GRM8: variants seen among roughly 807,000 people sequenced by gnomAD.
GRM8 encodes metabotropic glutamate receptor 8.
In GRM8, 47 loss-of-function variants were observed where a neutral mutation model predicts 87.2. That is an observed-to-expected ratio of 0.54 (90% CI 0.43 to 0.69). The LOEUF (loss-of-function observed/expected upper bound fraction) is 0.69, where lower values mean the gene tolerates loss of function less well. Among genes scored for constraint, GRM8 ranks in the 30% least tolerant of loss-of-function variants. The probability of loss-of-function intolerance (pLI) is 0.00; values close to 1 mark genes in which losing one functional copy is unlikely to be tolerated. For synonymous variants in GRM8, 396 were observed against 404.5 expected (o/e 0.98, Z 0.25); for missense variants, 1,019 against 1,139.2 (o/e 0.89, Z 1.52).
At chr7:126,523,818 T>A (rs1207200618) in intron 9 of GRM8, among the ~76,000 whole-genome samples, 1 of 152,120 alleles carries the variant, frequency 6.6e-6, no homozygotes, top group African/African-American at 2.4e-5. Flanking sequence ...TTTTTAAAAT[T>A]TATATTACTA....
intron 9 of GRM8, among the ~76,000 whole-genome samples, chr7:126,523,894 T>C (rs965845602): frequency 5.9e-5 from 9 of 152,228 alleles, no homozygotes; most frequent in African/African-American, 2.2e-4. Context: ...TTTGTTTGTA[T>C]AATATTTACA....
At position 126,477,589 on chromosome 7, in the gene GRM8, A is replaced by AAGAAAGAAAGAAAG. The variant is rs1554446025; in HGVS notation, c.2431-31231_2431-31218dup. 1.7e-3 allele frequency among the ~76,000 whole-genome samples: 146 copies of AAGAAAGAAAGAAAG among 86,084 alleles called. 1 individual carries two copies. Among genetic ancestry groups the AAGAAAGAAAGAAAG allele is most frequent in the African/African-American group, 8.3e-3 (145 of 17,502 alleles). The allele number at this position is 86,084 out of a possible 152,430, so 56.5% of individuals were successfully genotyped here. On this transcript the variant is annotated intron_variant, in intron 9 of 10. Transcript: ENST00000339582. ...AAAGAAAGAAAGAAAGAGAGAAAGA[A>AAGAAAGAAAGAAAG]AGAAAGAAAGAAAGAAAGAAAGAAA... is the stretch of plus-strand genomic sequence containing the variant.
chr7:127,163,984 T>C (rs751816768), intron 2 of GRM8, among the ~76,000 whole-genome samples: 5 of 152,144 alleles, frequency 3.3e-5, no homozygotes, highest in Admixed American at 6.6e-5. Context: ...TCATGTTGAA[T>C]TGTAATCCCC....
chr7:127,185,490 T>C (rs1184935459), intron 2 of GRM8, among the ~76,000 whole-genome samples: 12 of 152,050 alleles, frequency 7.9e-5, no homozygotes, highest in Admixed American at 7.9e-4. Flanking sequence ...TAAACTAAAA[T>C]ATAAAATGCA....
intron 7 of GRM8, among the ~76,000 whole-genome samples, chr7:126,692,321 C>T (rs1055227734): frequency 2.6e-5 from 4 of 152,142 alleles, no homozygotes; most frequent in East Asian, 3.8e-4. Context: ...AACTCTGGAA[C>T]AGTAGCAGAT....
intron 7 of GRM8, among the ~76,000 whole-genome samples, chr7:126,661,081 GAC>G (rs1302113968): frequency 5.9e-5 from 9 of 152,156 alleles, no homozygotes; most frequent in African/African-American, 2.2e-4. Context: ...GAATGAATAA[GAC>G]ATAGTATTTG....
chr7:127,242,487 CA>C (rs1256123656), intron 2 of GRM8, among the ~76,000 whole-genome samples: 2 of 151,672 alleles, frequency 1.3e-5, no homozygotes, highest in African/African-American at 4.8e-5. Flanking sequence ...AAAAAAGAGT[CA>C]AAATTAATCC....
intron 3 of GRM8, among the ~76,000 whole-genome samples, chr7:127,014,851 A>G (rs1185392686): frequency 6.6e-6 from 1 of 151,432 alleles, no homozygotes; most frequent in Non-Finnish European, 1.5e-5. Context: ...TGTGAAGGAA[A>G]GTCAGTTGAC....
At chr7:126,760,330 A>G (rs534931026) in intron 7 of GRM8, among the ~76,000 whole-genome samples, 11 of 152,338 alleles carry the variant, frequency 7.2e-5, no homozygotes, top group Admixed American at 2.0e-4. Flanking sequence ...CTTTTCTTCA[A>G]TGCTGGCTCA....
At chr7:127,219,894 C>T (rs1415424668) in intron 2 of GRM8, among the ~76,000 whole-genome samples, 2 of 152,142 alleles carry the variant, frequency 1.3e-5, no homozygotes, top group African/African-American at 2.4e-5. Context: ...ACAGACTCCT[C>T]CTCTTAAAAG....
chr7:127,091,843 G>A (rs28709386), intron 3 of GRM8, among the ~76,000 whole-genome samples: 2 of 18,680 alleles, frequency 1.1e-4, no homozygotes, highest in Non-Finnish European at 1.9e-4. Flanking sequence ...GCGACCCCCC[G>A]GCCGTCCCGC....
chr7:126,961,508 G>A (rs1809317237), intron 3 of GRM8, among the ~76,000 whole-genome samples: 1 of 152,156 alleles, frequency 6.6e-6, no homozygotes. Flanking sequence ...TGTAAACTAT[G>A]GGATGTGTGC....
At chr7:126,588,030 A>T (rs998716702) in intron 8 of GRM8, among the ~76,000 whole-genome samples, 1 of 152,172 alleles carries the variant, frequency 6.6e-6, no homozygotes, top group Non-Finnish European at 1.5e-5. Flanking sequence ...AATCTCACAA[A>T]GATGTTGGGT....
At chr7:126,805,881 G>C (rs1307317635) in intron 6 of GRM8, among the ~76,000 whole-genome samples, 1 of 152,210 alleles carries the variant, frequency 6.6e-6, no homozygotes, top group African/African-American at 2.4e-5. Flanking sequence ...TGGTCTCACA[G>C]ACTTTCGGTT....
chr7:126,716,281 T>C (rs904549864), intron 7 of GRM8, among the ~76,000 whole-genome samples: 2 of 152,106 alleles, frequency 1.3e-5, no homozygotes, highest in African/African-American at 4.8e-5. Flanking sequence ...TGTAGTCTAA[T>C]TGGCCTAATT....
intron 6 of GRM8, among the ~76,000 whole-genome samples, chr7:126,872,383 C>G (rs1799176165): frequency 6.6e-6 from 1 of 152,100 alleles, no homozygotes; most frequent in African/African-American, 2.4e-5. Context: ...TCAGCCCAGA[C>G]CTCTTTGTCT....
chr7:126,970,318 CTT>C (rs1810291091), intron 3 of GRM8, among the ~76,000 whole-genome samples: 1 of 152,198 alleles, frequency 6.6e-6, no homozygotes, highest in Non-Finnish European at 1.5e-5. Context: ...TTGAAAACCT[CTT>C]GTTTAACATA....
In GRM8 at chr7:126,783,579, T is replaced by G. The variant is rs190657147; in HGVS notation, c.1157-13514A>C. On this transcript the variant is annotated intron_variant, in intron 6 of 10. Transcript: ENST00000339582. ...ATTAGTGATAATAAAATCAATGTGG[T>G]TGGTCACAAACAGTGTATTTCCAAA... Among the ~76,000 whole-genome samples, 5 of 152,266 alleles carry G rather than the reference T, an allele frequency of 3.3e-5. No homozygotes were observed. The East Asian group carries it at 9.7e-4, about 29-fold the overall frequency.
intron 3 of GRM8, among the ~76,000 whole-genome samples, chr7:127,041,625 C>T (rs138356764): frequency 2.2e-4 from 34 of 152,240 alleles, no homozygotes; most frequent in Middle Eastern, 3.4e-3. Flanking sequence ...AAGTTCTCTA[C>T]AGGAATATGG....
Sources: gnomAD v4.1 joint callset for allele counts (sites outside exome capture counted in the v4.1 genomes callset) on GRCh38, gnomAD v4.1.1 for gene constraint, MANE v1.5 for transcripts, NCBI Gene and HGNC (gene_info 2026-07-23, HGNC 2026-07-21) for gene names.